Variants in CCSER1 observed in about 807,000 individuals in gnomAD.
CCSER1 encodes coiled-coil serine rich protein 1.
In CCSER1, 41 loss-of-function variants were observed where a neutral mutation model predicts 82.0. That is an observed-to-expected ratio of 0.50 (90% CI 0.39 to 0.65). The LOEUF is 0.65. Among genes scored for constraint, CCSER1 ranks in the 30% least tolerant of loss-of-function variants. The pLI is 0.00. For missense variants in CCSER1, 1,119 were observed against 1,064.2 expected, an observed-to-expected ratio of 1.05 and a Z score of -0.72; for synonymous variants, 414 against 383.9, an observed-to-expected ratio of 1.08 and a Z score of -0.92.
At chr4:91,214,072 T>G (rs1381778731) in intron 10 of CCSER1, among the ~76,000 whole-genome samples, 1 of 152,106 alleles carries the variant, frequency 6.6e-6, no homozygotes, top group African/African-American at 2.4e-5. Flanking sequence ...GAACATAAAT[T>G]TCACTCCTGT....
intron 1 of CCSER1, among the ~76,000 whole-genome samples, chr4:90,167,827 GTAT>G (rs1218937820): frequency 6.6e-6 from 1 of 151,992 alleles, no homozygotes; most frequent in Non-Finnish European, 1.5e-5. Flanking sequence ...TGGCTGCATA[GTAT>G]TCCATGGTGT....
intron 3 of CCSER1, among the ~76,000 whole-genome samples, chr4:90,395,777 T>C (rs918360490): frequency 1.1e-4 from 16 of 152,000 alleles, no homozygotes; most frequent in Non-Finnish European, 1.6e-4. Flanking sequence ...ACACTTTTCT[T>C]GTTCCTGCTA....
intron 1 of CCSER1, among the ~76,000 whole-genome samples, chr4:90,198,352 T>C (rs1264726642): frequency 3.3e-5 from 5 of 152,108 alleles, no homozygotes; most frequent in Non-Finnish European, 2.9e-5. Flanking sequence ...ATACCACTGC[T>C]TGTAGATCCC....
chr4:90,148,249 G>A (rs1726179815), intron 1 of CCSER1, among the ~76,000 whole-genome samples: 1 of 151,986 alleles, frequency 6.6e-6, no homozygotes, highest in Non-Finnish European at 1.5e-5. Context: ...GAAATTAATG[G>A]TTTATATTTT....
intron 5 of CCSER1, among the ~76,000 whole-genome samples, chr4:90,621,745 GA>G (rs1356840175): frequency 6.6e-6 from 1 of 152,140 alleles, no homozygotes; most frequent in African/African-American, 2.4e-5. Flanking sequence ...AGAAAGTATA[GA>G]ATTATTCCAG....
intron 3 of CCSER1, among the ~76,000 whole-genome samples, chr4:90,313,274 G>A (rs2153481344): frequency 6.6e-6 from 1 of 152,220 alleles, no homozygotes. Flanking sequence ...TTGCTTCCAT[G>A]GAAAGTTTGA....
intron 9 of CCSER1, among the ~76,000 whole-genome samples, chr4:91,020,080 T>C (rs1000735467): frequency 1.3e-5 from 2 of 152,084 alleles, no homozygotes; most frequent in African/African-American, 4.8e-5. Flanking sequence ...ACCTAAAATT[T>C]CTTGGGGGAA....
At chr4:91,213,707 T>A (rs556971274) in intron 10 of CCSER1, among the ~76,000 whole-genome samples, 2 of 152,284 alleles carry the variant, frequency 1.3e-5, no homozygotes, top group South Asian at 4.1e-4. Flanking sequence ...ACAAAATTAA[T>A]TTGACAATAA....
chr4:90,571,131 G>A (rs1219494846), intron 5 of CCSER1, among the ~76,000 whole-genome samples: 2 of 152,112 alleles, frequency 1.3e-5, no homozygotes, highest in Non-Finnish European at 1.5e-5. Context: ...ACTGTTGGTG[G>A]GGATGTAAAT....
At position 90,154,903 on chromosome 4, in the gene CCSER1, C is replaced by A. The variant is rs1242231217; in HGVS notation, c.-42+27072C>A. On this transcript the variant is annotated intron_variant, in intron 1 of 10. Coordinates refer to ENST00000509176, the MANE Select transcript of CCSER1 (RefSeq NM_001145065.2). ...TCCTGCCTAATTGCCCTGGCCAGAA[C>A]TTCCAACACTATGTTGAATAGGAGT... is the stretch of plus-strand genomic sequence containing the variant. Among the ~76,000 whole-genome samples, 1,180 of 152,154 alleles carry A rather than the reference C, an allele frequency of 7.8e-3. 15 individuals are homozygous for A. The highest frequency in any genetic ancestry group is 0.027 in the African/African-American group (1,132 of 41,506).
intron 10 of CCSER1, among the ~76,000 whole-genome samples, chr4:91,465,220 A>T (rs558756872): frequency 7.9e-5 from 12 of 152,104 alleles, no homozygotes; most frequent in African/African-American, 2.9e-4. Context: ...ACCCCTCAAC[A>T]ACATGGAAAC....
At chr4:90,599,236 G>A (rs1351957065) in intron 5 of CCSER1, among the ~76,000 whole-genome samples, 2 of 152,076 alleles carry the variant, frequency 1.3e-5, no homozygotes, top group Non-Finnish European at 2.9e-5. Flanking sequence ...ACATGTTGAG[G>A]GATAGACCTG....
intron 5 of CCSER1, among the ~76,000 whole-genome samples, chr4:90,591,478 CAAT>C (rs995980293): frequency 6.6e-6 from 1 of 152,124 alleles, no homozygotes. Context: ...ATCAAAACAA[CAAT>C]GAGATACCAT....
At chr4:91,344,915 A>G (rs1226572077) in intron 10 of CCSER1, among the ~76,000 whole-genome samples, 2 of 152,224 alleles carry the variant, frequency 1.3e-5, no homozygotes, top group Non-Finnish European at 2.9e-5. Flanking sequence ...GTATATCATT[A>G]GACAGACTTC....
chr4:91,319,677 C>T (rs1391427553), intron 10 of CCSER1: 2 of 455,840 alleles, frequency 4.4e-6, no homozygotes, highest in East Asian at 1.4e-4. Flanking sequence ...ATTCTCCCTT[C>T]TCCACTTAGT....
intron 1 of CCSER1, among the ~76,000 whole-genome samples, chr4:90,209,756 CTGTT>C (rs1378753136): frequency 3.4e-5 from 5 of 147,492 alleles, no homozygotes; most frequent in South Asian, 2.1e-4. Flanking sequence ...CTCATTGTGT[CTGTT>C]TGTCTAGTGT....
intron 5 of CCSER1, among the ~76,000 whole-genome samples, chr4:90,478,805 A>G (rs1437380335): frequency 2.7e-5 from 4 of 150,144 alleles, no homozygotes; most frequent in East Asian, 2.0e-4. Context: ...CAGTGGCGCA[A>G]TCTCGGCTCA....
chr4:90,656,022 T>C (rs1729637760), intron 6 of CCSER1, among the ~76,000 whole-genome samples: 1 of 151,976 alleles, frequency 6.6e-6, no homozygotes, highest in South Asian at 2.1e-4. Context: ...TTTAATTTCT[T>C]TCATTCTCTT....
intron 10 of CCSER1, among the ~76,000 whole-genome samples, chr4:91,212,046 A>G (rs1037304872): frequency 1.3e-5 from 2 of 152,106 alleles, no homozygotes; most frequent in Non-Finnish European, 2.9e-5. Context: ...ATGAAAAAAC[A>G]GTAAAAATTT....
Sources: gnomAD v4.1 joint callset for allele counts (sites outside exome capture counted in the v4.1 genomes callset) on GRCh38, gnomAD v4.1.1 for gene constraint, MANE v1.5 for transcripts, NCBI Gene and HGNC (gene_info 2026-07-23, HGNC 2026-07-21) for gene names.